CRACR2A: variants seen among roughly 807,000 people sequenced by gnomAD.
CRACR2A encodes calcium release activated channel regulator 2A.
In CRACR2A, 79 loss-of-function variants were observed where a neutral mutation model predicts 90.5. The ratio of observed to expected loss-of-function variants is 0.87; its 90% CI spans 0.73 to 1.05. The LOEUF (loss-of-function observed/expected upper bound fraction) is 1.05. Among genes scored for constraint, CRACR2A ranks in the 50% least tolerant of loss-of-function variants. The pLI, the probability that CRACR2A is intolerant of heterozygous loss-of-function variation, is 0.00. For synonymous variants in CRACR2A, 338 were observed against 356.7 expected (o/e 0.95, Z 0.59); for missense variants, 823 against 897.2 (o/e 0.92, Z 1.06).
In CRACR2A at chr12:3,633,702, A is replaced by G. The variant is rs1944413506; in HGVS notation, c.1637T>C (p.Phe546Ser). 1 of 1,551,734 alleles carries G rather than the reference A, an allele frequency of 6.4e-7. No homozygotes were observed. The highest frequency in any genetic ancestry group is 8.7e-7 in the Non-Finnish European group (1 of 1,146,990). ...ESSPSAPDRL[F>S]KIVFVGNSAV... ...GGAATTGCCCACGAACACAATCTTG[A>G]AGAGCCGGTCAGGGGCAGAGGGAGA... Residue 546 changes from phenylalanine (F) to serine (S), a missense_variant, in exon 15 of 20, where the codon TTC (phenylalanine) becomes TCC (serine). Physicochemically the swap from Phe to Ser is radical, Grantham distance 155 (BLOSUM62 -2). Coordinates refer to ENST00000440314, the MANE Select transcript of CRACR2A (RefSeq NM_001144958.2). This position sits in a 1 kb window ranked among gnomAD's most constrained non-coding sequence, Gnocchi z 4.5.
intron 1 of CRACR2A, among the ~76,000 whole-genome samples, chr12:3,733,450 G>A (rs1946393388): frequency 6.6e-6 from 1 of 152,268 alleles, no homozygotes; most frequent in South Asian, 2.1e-4. Context: ...GTAGGTTGGG[G>A]TGGACTCTAC....
intron 7 of CRACR2A, among the ~76,000 whole-genome samples, chr12:3,669,333 A>G (rs1318785997): frequency 6.6e-6 from 1 of 152,210 alleles, no homozygotes; most frequent in Admixed American, 6.5e-5. Context: ...AATGCAGGGG[A>G]TGCTTTCCAT....
intron 15 of CRACR2A, 135 bp from the exon 16 acceptor site, chr12:3,627,841 G>A (rs1378443313): frequency 1.3e-5 from 11 of 871,638 alleles, no homozygotes; most frequent in Admixed American, 8.3e-5. Flanking sequence ...GCTCGTGGGA[G>A]GCAAAATGGA....
intron 1 of CRACR2A, among the ~76,000 whole-genome samples, chr12:3,747,521 T>G (rs749058042): frequency 2.0e-5 from 3 of 152,196 alleles, no homozygotes; most frequent in Non-Finnish European, 4.4e-5. Context: ...CAAAGCTGCA[T>G]CCATTTACCA....
At position 3,680,416 on chromosome 12, in the gene CRACR2A, G is replaced by T. The variant is rs11062761; in HGVS notation, c.229-67C>A. On this transcript the variant is annotated intron_variant, in intron 4 of 19. Coordinates refer to ENST00000440314, the MANE Select transcript of CRACR2A (RefSeq NM_001144958.2). ...CTGGTGGGGGAGGTGACCTGGGACT[G>T]CAGAGCCTTCTGCCAGAAAGTGTCT... 324 of 1,374,862 alleles carry T rather than the reference G, an allele frequency of 2.4e-4. 3 individuals carry two copies. In the East Asian group the frequency reaches 5.6e-3, roughly 24 times the overall value. The allele number at this position is 1,374,862 out of a possible 1,614,324, so 85.2% of individuals were successfully genotyped here.
At chr12:3,641,326 A>T (rs1455139971) in intron 13 of CRACR2A, among the ~76,000 whole-genome samples, 1 of 152,212 alleles carries the variant, frequency 6.6e-6, no homozygotes, top group East Asian at 1.9e-4. Flanking sequence ...CCTGGGCAAC[A>T]AAGCAAGACT....
Position 3,659,637 on chromosome 12 carries a change from T to G in CRACR2A, c.689A>C (p.Asp230Ala), listed in dbSNP as rs201641139. ...CTCATAGAGATGCTGGATTTCTTCA[T>G]CATAAGCAGCAATTTTCCTACAGAG... Reference protein sequence around the residue: ...CALKRKIAAYDEEIQHLYEEM... With the variant: ...CALKRKIAAYAEEIQHLYEEM... Residue 230 changes from aspartate (D) to alanine (A), a missense_variant, in exon 8 of 20, where the codon GAT becomes GCT. Transcript: ENST00000440314. 1.5e-4 allele frequency: 247 copies of G among 1,614,132 alleles called. 1 individual carries two copies. Among genetic ancestry groups the G allele is most frequent in the Middle Eastern group, 1.3e-3 (8 of 6,062 alleles).
intron 12 of CRACR2A, among the ~76,000 whole-genome samples, chr12:3,643,856 T>TATATATAAAA (rs1478137267): frequency 3.0e-5 from 2 of 67,354 alleles, no homozygotes; most frequent in South Asian, 7.7e-4. Flanking sequence ...TATTATATAT[T>TATATATAAAA]TATATTATAT....
chr12:3,618,910 G>C (rs1027961433), intron 18 of CRACR2A, among the ~76,000 whole-genome samples: 2 of 152,232 alleles, frequency 1.3e-5, no homozygotes, highest in Non-Finnish European at 2.9e-5. Context: ...GCTTTGCAGA[G>C]AGTGAGTTTT....
At chr12:3,646,352 G>A (rs1944687800) in intron 11 of CRACR2A, among the ~76,000 whole-genome samples, 1 of 152,184 alleles carries the variant, frequency 6.6e-6, no homozygotes, top group Middle Eastern at 3.2e-3. Context: ...ACTTTTGAAG[G>A]GCAAGGGAGG....
At chr12:3,656,995 C>T (rs1281405342) in intron 8 of CRACR2A, among the ~76,000 whole-genome samples, 2 of 152,228 alleles carry the variant, frequency 1.3e-5, no homozygotes, top group South Asian at 2.1e-4. Flanking sequence ...TCTGCTCCTT[C>T]CCTAGGCTGG....
At chr12:3,702,176 C>T (rs889360824) in intron 3 of CRACR2A, among the ~76,000 whole-genome samples, 5 of 152,118 alleles carry the variant, frequency 3.3e-5, no homozygotes, top group South Asian at 4.1e-4. Flanking sequence ...TGGGCATCTA[C>T]GAAAACAACA....
At chr12:3,631,222 AT>A (rs1342809024) in intron 15 of CRACR2A, among the ~76,000 whole-genome samples, 1 of 151,814 alleles carries the variant, frequency 6.6e-6, no homozygotes, top group Admixed American at 6.6e-5. Flanking sequence ...AACTTTTGAT[AT>A]TTTTTCCCCT....
At chr12:3,697,831 T>C (rs1031163214) in intron 3 of CRACR2A, among the ~76,000 whole-genome samples, 2 of 152,210 alleles carry the variant, frequency 1.3e-5, no homozygotes, top group Admixed American at 6.5e-5. Context: ...CCAAGGCTGT[T>C]TTCAGCCCAA....
chr12:3,696,850 G>C lies in CRACR2A; in HGVS notation c.150C>G (p.Val50=). 1.2e-6 allele frequency: 2 copies of C among 1,614,204 alleles called. No individual in the cohort carries two copies. Among genetic ancestry groups the C allele is most frequent in the East Asian group, 4.5e-5 (2 of 44,880 alleles). The change falls in exon 4 of 20, where the codon GTC becomes GTG. Residue 50 remains valine (V), a synonymous_variant. Coordinates refer to ENST00000440314, the MANE Select transcript of CRACR2A (RefSeq NM_001144958.2). ...ETQEQTSGQL[V]MLRKAQEFFQ... ...AGAACTCCTGTGCCTTCCTCAGCAT[G>C]ACTAGCTGGCCCGACGTTTGCTCCT...
intron 1 of CRACR2A, among the ~76,000 whole-genome samples, chr12:3,745,579 T>C (rs769730699): frequency 1.3e-5 from 2 of 151,718 alleles, no homozygotes. Context: ...TTTGAGACCA[T>C]CCTGGCCAAG....
chr12:3,748,990 C>T (rs900827709), intron 1 of CRACR2A, among the ~76,000 whole-genome samples: 7 of 152,220 alleles, frequency 4.6e-5, no homozygotes, highest in African/African-American at 1.7e-4. Flanking sequence ...TGGAGCATAA[C>T]GCTTACAGTG....
At chr12:3,752,365 CACACAGACACACACACACACGG>C (rs1946721975) in intron 1 of CRACR2A, among the ~76,000 whole-genome samples, 1 of 78,858 alleles carries the variant, frequency 1.3e-5, no homozygotes, top group Non-Finnish European at 3.6e-5. Flanking sequence ...CGGACACACA[CACACAGACACACACACACACGG>C]ACACACACAC....
intron 15 of CRACR2A, among the ~76,000 whole-genome samples, chr12:3,628,637 C>T (rs1177105133): frequency 6.6e-6 from 1 of 152,156 alleles, no homozygotes; most frequent in Non-Finnish European, 1.5e-5. Context: ...ACAGGTATTC[C>T]CCACTCCTGC....
Sources: allele counts gnomAD v4.1 joint callset (sites outside exome capture counted in the v4.1 genomes callset), GRCh38; gene constraint gnomAD v4.1.1; non-coding constraint Gnocchi (gnomAD v3.1); transcripts MANE v1.5; gene names NCBI Gene and HGNC (gene_info 2026-07-23, HGNC 2026-07-21).